CCDC149: variants seen among roughly 807,000 people sequenced by gnomAD.
CCDC149 encodes coiled-coil domain-containing protein 149.
CCDC149 carries 45 observed loss-of-function variants against 59.9 expected under a neutral mutation model. That is an observed-to-expected ratio of 0.75 (90% CI 0.59 to 0.96). The LOEUF (loss-of-function observed/expected upper bound fraction) is 0.96. Among genes scored for constraint, CCDC149 ranks in the 40% least tolerant of loss-of-function variants. The pLI, the probability that CCDC149 is intolerant of heterozygous loss-of-function variation, is 0.00. For synonymous variants in CCDC149, 245 were observed against 260.6 expected, an observed-to-expected ratio of 0.94 and a Z score of 0.58; for missense variants, 584 against 664.7, an observed-to-expected ratio of 0.88 and a Z score of 1.33.
intron 1 of CCDC149, among the ~76,000 whole-genome samples, chr4:24,932,778 A>T (rs1449923724): frequency 1.3e-5 from 2 of 152,316 alleles, no homozygotes; most frequent in South Asian, 4.1e-4. Flanking sequence ...CAGGGAAAAC[A>T]TTAGTCAGAG....
chr4:24,910,995 C>G (rs1040640101), intron 1 of CCDC149, among the ~76,000 whole-genome samples: 12 of 152,190 alleles, frequency 7.9e-5, no homozygotes, highest in Non-Finnish European at 1.5e-4. Context: ...GTGCCCACCT[C>G]ATGTTTGTGA....
At chr4:24,963,843 A>G (rs1723717127) in intron 1 of CCDC149, among the ~76,000 whole-genome samples, 1 of 152,210 alleles carries the variant, frequency 6.6e-6, no homozygotes, top group East Asian at 1.9e-4. Context: ...AAAGAATATA[A>G]CATTTCAGCA....
intron 9 of CCDC149, among the ~76,000 whole-genome samples, chr4:24,824,619 C>A (rs1416268134): frequency 6.6e-6 from 1 of 152,114 alleles, no homozygotes; most frequent in Non-Finnish European, 1.5e-5. Flanking sequence ...CAGTTTATCT[C>A]AAAGTTCTGT....
intron 1 of CCDC149, among the ~76,000 whole-genome samples, chr4:24,894,353 T>G (rs1577460112): frequency 1.3e-5 from 2 of 152,078 alleles, no homozygotes; most frequent in Admixed American, 1.3e-4. Flanking sequence ...AGTAAAATAA[T>G]CAAAACCTAA....
Position 24,853,196 on chromosome 4 carries a change from A to C in CCDC149, c.265-17T>G, listed in dbSNP as rs935240778. On this transcript the variant is annotated splice_polypyrimidine_tract_variant and intron_variant, in intron 3 of 12. Coordinates refer to ENST00000635206, the MANE Select transcript of CCDC149 (RefSeq NM_001330643.2). ...AAGATTAGCCTAGAAATATCAACAC[A>C]TTATGAAATACAATCAGAAATGGAG... is the stretch of plus-strand genomic sequence containing the variant. 6.5e-7 allele frequency: 1 copy of C among 1,538,166 alleles called. No homozygotes were observed. The highest frequency in any genetic ancestry group is 1.1e-5 in the South Asian group (1 of 89,494).
At chr4:24,876,389 A>C (rs997516535) in intron 2 of CCDC149, 147 bp downstream of exon 2, 38 of 729,064 alleles carry the variant, frequency 5.2e-5, no homozygotes, top group Non-Finnish European at 7.9e-5. Context: ...GTTGTTGAGG[A>C]AATAGAGGTG....
intron 3 of CCDC149, among the ~76,000 whole-genome samples, chr4:24,863,630 A>G (rs982729391): frequency 2.6e-5 from 4 of 152,228 alleles, no homozygotes; most frequent in Admixed American, 2.6e-4. Context: ...GACACTAGGA[A>G]TAATAGCTCC....
At chr4:24,936,030 A>G (rs1722730078) in intron 1 of CCDC149, among the ~76,000 whole-genome samples, 1 of 152,146 alleles carries the variant, frequency 6.6e-6, no homozygotes, top group Non-Finnish European at 1.5e-5. Flanking sequence ...AGAAAGAGGC[A>G]ATGCTCACCC....
intron 4 of CCDC149, 51 bp from the exon 5 acceptor site, chr4:24,838,323 C>G (rs774164128): frequency 7.1e-7 from 1 of 1,399,032 alleles, no homozygotes; most frequent in South Asian, 1.2e-5. Context: ...ATAAACAGAT[C>G]CAAATAAAAA....
At chr4:24,859,947 C>T (rs927707737) in intron 3 of CCDC149, among the ~76,000 whole-genome samples, 3 of 152,154 alleles carry the variant, frequency 2.0e-5, no homozygotes, top group African/African-American at 4.8e-5. Flanking sequence ...TCAAAGACAA[C>T]ACAACCAAAT....
chr4:24,838,317 A>G, intron 4 of CCDC149, 45 bp from the exon 5 acceptor site: 1 of 1,429,158 alleles, frequency 7.0e-7, no homozygotes, highest in South Asian at 1.1e-5. Context: ...CAGAGAATAA[A>G]CAGATCCAAA....
chr4:24,943,858 A>G (rs1723021189), intron 1 of CCDC149, among the ~76,000 whole-genome samples: 1 of 152,360 alleles, frequency 6.6e-6, no homozygotes, highest in South Asian at 2.1e-4. Flanking sequence ...CAAAACCACA[A>G]TGAGATACCA....
intron 1 of CCDC149, among the ~76,000 whole-genome samples, chr4:24,895,646 T>A (rs1720805484): frequency 1.3e-5 from 2 of 152,202 alleles, no homozygotes; most frequent in African/African-American, 4.8e-5. Flanking sequence ...GTCTGGGGCA[T>A]GTCCCTCATG....
intron 1 of CCDC149, among the ~76,000 whole-genome samples, chr4:24,978,552 C>A (rs1724320847): frequency 6.6e-6 from 1 of 152,052 alleles, no homozygotes; most frequent in Non-Finnish European, 1.5e-5. Flanking sequence ...CTGGAGGAGT[C>A]AGAAAAATCA....
intron 4 of CCDC149, among the ~76,000 whole-genome samples, chr4:24,845,305 C>A (rs1223127616): frequency 6.6e-6 from 1 of 152,234 alleles, no homozygotes; most frequent in Non-Finnish European, 1.5e-5. Context: ...TCCTTCAGGG[C>A]TCTGTGTCAC....
At chr4:24,824,192 G>A (rs148960812) in intron 9 of CCDC149, among the ~76,000 whole-genome samples, 32 of 152,232 alleles carry the variant, frequency 2.1e-4, no homozygotes, top group African/African-American at 4.8e-4. Flanking sequence ...CTGATGTTTC[G>A]GGATAACACA....
At chr4:24,921,738 T>G (rs186941268) in intron 1 of CCDC149, among the ~76,000 whole-genome samples, 1 of 152,314 alleles carries the variant, frequency 6.6e-6, no homozygotes, top group Admixed American at 6.5e-5. Flanking sequence ...CCCACGTATG[T>G]GAAGGAAAAG....
intron 1 of CCDC149, among the ~76,000 whole-genome samples, chr4:24,971,690 A>T (rs1462032586): frequency 1.1e-4 from 16 of 152,218 alleles, no homozygotes; most frequent in Non-Finnish European, 1.5e-5. Flanking sequence ...TGGCAAGGAC[A>T]TTCTAAAGTT....
intron 1 of CCDC149, among the ~76,000 whole-genome samples, chr4:24,956,818 G>A (rs1336290081): frequency 6.6e-6 from 1 of 152,218 alleles, no homozygotes; most frequent in Non-Finnish European, 1.5e-5. Flanking sequence ...TTTGGGTTCT[G>A]GAAGTAGCAT....
Sources: allele counts gnomAD v4.1 joint callset (sites outside exome capture counted in the v4.1 genomes callset), GRCh38; gene constraint gnomAD v4.1.1; transcripts MANE v1.5; gene names NCBI Gene and HGNC (gene_info 2026-07-23, HGNC 2026-07-21).